The following SLC38A12 variants were observed in gnomAD, a reference collection of about 807,000 sequenced individuals.
The protein encoded by SLC38A12 is solute carrier family 38 member 12.
chr17:74,792,312 G>A, the SLC38A12 span, among the ~76,000 whole-genome samples: 6 of 152,094 alleles, frequency 3.9e-5, no homozygotes, highest in South Asian at 4.2e-4. Flanking sequence ...TTAGCTGGGC[G>A]TGGTGGTGCA....
the SLC38A12 span, among the ~76,000 whole-genome samples, chr17:74,781,060 T>A: frequency 3.9e-5 from 6 of 152,288 alleles, no homozygotes; most frequent in Middle Eastern, 3.4e-3. Context: ...GAGAGGTTGT[T>A]ACCGGCACCT....
the SLC38A12 span, chr17:74,790,071 A>G: frequency 1.4e-6 from 1 of 690,756 alleles, no homozygotes; most frequent in Admixed American, 2.1e-5. Context: ...CTCCCATCTC[A>G]GCCTCCCAGG....
At chr17:74,819,837 T>G in the SLC38A12 span, 7 of 1,613,900 alleles carry the variant, frequency 4.3e-6, no homozygotes, top group Non-Finnish European at 5.9e-6. Context: ...TCTGATGAGA[T>G]GGATCGGTGA....
chr17:74,805,638 G>T, the SLC38A12 span, among the ~76,000 whole-genome samples: 3 of 152,266 alleles, frequency 2.0e-5, no homozygotes, highest in African/African-American at 7.2e-5. The surrounding 1 kb of genome is among the most constrained non-coding windows in gnomAD (Gnocchi z 5.0). Flanking sequence ...CTCAGTTCCC[G>T]GTCTATTTCA....
At chr17:74,825,838 C>A in the SLC38A12 span, among the ~76,000 whole-genome samples, 1 of 152,168 alleles carries the variant, frequency 6.6e-6, no homozygotes, top group Non-Finnish European at 1.5e-5. Context: ...AACCTTGCAG[C>A]AAGTCAGGCC....
the SLC38A12 span, among the ~76,000 whole-genome samples, chr17:74,792,395 G>A: frequency 6.6e-6 from 1 of 151,336 alleles, no homozygotes; most frequent in Non-Finnish European, 1.5e-5. Context: ...AGGTTGCAGT[G>A]AGCCGAGATC....
At chr17:74,812,865 T>G in the SLC38A12 span, among the ~76,000 whole-genome samples, 4 of 152,218 alleles carry the variant, frequency 2.6e-5, no homozygotes, top group Non-Finnish European at 4.4e-5. Flanking sequence ...AGAGTGGACC[T>G]GCTGGCCTCC....
chr17:74,805,389 C>T, the SLC38A12 span, among the ~76,000 whole-genome samples: 1 of 152,196 alleles, frequency 6.6e-6, no homozygotes, highest in South Asian at 2.1e-4. This position sits in a 1 kb window ranked among gnomAD's most constrained non-coding sequence, Gnocchi z 5.0. Flanking sequence ...CTGACGGGTA[C>T]CTCCCATGTC....
At chr17:74,776,550 G>C in the SLC38A12 span, 2 of 151,992 alleles carry the variant, frequency 1.3e-5, no homozygotes, top group African/African-American at 4.8e-5. Flanking sequence ...GGCGGGAGAC[G>C]GCGGCTTGGG....
the SLC38A12 span, chr17:74,791,010 A>G: frequency 1.2e-6 from 2 of 1,614,036 alleles, no homozygotes; most frequent in Non-Finnish European, 1.7e-6. Flanking sequence ...GAAATGGGAC[A>G]AATGGCCTCC....
At chr17:74,805,537 T>A in the SLC38A12 span, among the ~76,000 whole-genome samples, 6 of 152,320 alleles carry the variant, frequency 3.9e-5, no homozygotes, top group East Asian at 3.9e-4. This position sits in a 1 kb window ranked among gnomAD's most constrained non-coding sequence, Gnocchi z 5.0. Flanking sequence ...GCTGGGGGCT[T>A]GCTGATGTCA....
At chr17:74,828,192 A>G in the SLC38A12 span, among the ~76,000 whole-genome samples, 1 of 152,176 alleles carries the variant, frequency 6.6e-6, no homozygotes, top group African/African-American at 2.4e-5. Context: ...GGAGCAGGGA[A>G]TGGCACGGGG....
chr17:74,813,609 T>C, the SLC38A12 span, among the ~76,000 whole-genome samples: 1 of 152,196 alleles, frequency 6.6e-6, no homozygotes, highest in African/African-American at 2.4e-5. Flanking sequence ...CAAGCCGTTC[T>C]CCTGCCTCAG....
At chr17:74,821,295 G>C in the SLC38A12 span, among the ~76,000 whole-genome samples, 1 of 152,258 alleles carries the variant, frequency 6.6e-6, no homozygotes, top group East Asian at 1.9e-4. Flanking sequence ...GCATCAAGCT[G>C]ACACGAGGGA....
At chr17:74,802,004 G>T in the SLC38A12 span, among the ~76,000 whole-genome samples, 1 of 151,814 alleles carries the variant, frequency 6.6e-6, no homozygotes, top group East Asian at 1.9e-4. Context: ...CTCCGCCACT[G>T]CTGCTCCTGT....
the SLC38A12 span, among the ~76,000 whole-genome samples, chr17:74,810,141 T>C: frequency 1.3e-5 from 2 of 152,206 alleles, no homozygotes; most frequent in African/African-American, 4.8e-5. Flanking sequence ...ATCTTCCGTC[T>C]CTCCACTCAC....
the SLC38A12 span, among the ~76,000 whole-genome samples, chr17:74,809,690 C>T: frequency 2.0e-5 from 3 of 152,254 alleles, no homozygotes; most frequent in African/African-American, 7.2e-5. Context: ...CTCAGGCAGG[C>T]GGTGGACCAG....
the SLC38A12 span, among the ~76,000 whole-genome samples, chr17:74,815,101 G>C: frequency 6.6e-6 from 1 of 152,246 alleles, no homozygotes; most frequent in African/African-American, 2.4e-5. Context: ...TCCCTCTGCC[G>C]CTTTCTGGCT....
chr17:74,833,197 G>A, the SLC38A12 span, among the ~76,000 whole-genome samples: 1 of 152,202 alleles, frequency 6.6e-6, no homozygotes, highest in Non-Finnish European at 1.5e-5. Flanking sequence ...CTAATTTTTA[G>A]GAGAGACAGG....
Sources: gnomAD v4.1 joint callset for allele counts (sites outside exome capture counted in the v4.1 genomes callset) on GRCh38, gnomAD v4.1.1 for gene constraint, Gnocchi (gnomAD v3.1) non-coding constraint, MANE v1.5 for transcripts, NCBI Gene and HGNC (gene_info 2026-07-23, HGNC 2026-07-21) for gene names.